TMTC2: variants seen among roughly 807,000 people sequenced by gnomAD.
TMTC2 encodes protein O-mannosyl-transferase TMTC2.
In TMTC2, 43 loss-of-function variants were observed where a neutral mutation model predicts 82.4. The ratio of observed to expected loss-of-function variants is 0.52; its 90% CI spans 0.41 to 0.67. TMTC2 has a LOEUF of 0.67. Ranked by LOEUF, TMTC2 falls within the 30% of genes least tolerant of loss-of-function variation. The probability of loss-of-function intolerance (pLI) is 0.00; values close to 1 mark genes in which losing one functional copy is unlikely to be tolerated. For synonymous variants in TMTC2, 408 were observed against 381.9 expected, an observed-to-expected ratio of 1.07 and a Z score of -0.80; for missense variants, 919 against 1,012.4, an observed-to-expected ratio of 0.91 and a Z score of 1.25.
At chr12:83,005,979 T>G (rs1391669289) in intron 8 of TMTC2, among the ~76,000 whole-genome samples, 1 of 152,168 alleles carries the variant, frequency 6.6e-6, no homozygotes, top group Non-Finnish European at 1.5e-5. Context: ...GCTGTCCCCA[T>G]GCAAAAACCC....
intron 7 of TMTC2, among the ~76,000 whole-genome samples, chr12:82,983,179 G>A (rs1409538811): frequency 1.3e-5 from 2 of 151,902 alleles, no homozygotes; most frequent in African/African-American, 2.4e-5. Flanking sequence ...GTAATCCATA[G>A]TAAACACTCA....
chr12:82,783,673 C>T (rs986747646), intron 1 of TMTC2, among the ~76,000 whole-genome samples: 1 of 152,054 alleles, frequency 6.6e-6, no homozygotes, highest in Non-Finnish European at 1.5e-5. Context: ...GTGCTTCCTA[C>T]TAAGTTGTCA....
intron 1 of TMTC2, among the ~76,000 whole-genome samples, chr12:82,808,465 T>C (rs1323045337): frequency 6.6e-6 from 1 of 152,120 alleles, no homozygotes; most frequent in African/African-American, 2.4e-5. Context: ...ATTTAATCTT[T>C]AACCAGGTAG....
At chr12:82,861,572 T>A (rs1565782342) in intron 2 of TMTC2, among the ~76,000 whole-genome samples, 2 of 152,242 alleles carry the variant, frequency 1.3e-5, no homozygotes, top group East Asian at 3.9e-4. Flanking sequence ...GTTCTTGGCA[T>A]GTAGTAGATA....
chr12:83,095,197 G>A (rs1483155678), intron 11 of TMTC2, among the ~76,000 whole-genome samples: 1 of 150,656 alleles, frequency 6.6e-6, no homozygotes, highest in African/African-American at 2.4e-5. Flanking sequence ...ATGAGGGAAA[G>A]AGAAAAGCCA....
intron 11 of TMTC2, among the ~76,000 whole-genome samples, chr12:83,126,459 T>C (rs1240600129): frequency 6.6e-6 from 1 of 152,162 alleles, no homozygotes. Context: ...GTCATACGTT[T>C]CTTTATTCAT....
chr12:82,947,883 T>C (rs1877111951), intron 4 of TMTC2, among the ~76,000 whole-genome samples: 1 of 152,116 alleles, frequency 6.6e-6, no homozygotes, highest in South Asian at 2.1e-4. Flanking sequence ...CATCATTCTG[T>C]CAACGTCTCT....
At chr12:82,911,581 A>G (rs965619422) in intron 3 of TMTC2, among the ~76,000 whole-genome samples, 15 of 152,042 alleles carry the variant, frequency 9.9e-5, no homozygotes, top group Admixed American at 8.5e-4. Flanking sequence ...TTTTCTAAGT[A>G]TAAGCCGTAT....
In TMTC2 at chr12:83,133,431, A is replaced by C. The variant is rs542261700; in HGVS notation, c.*1042A>C. 1.3e-5 allele frequency: 2 copies of C among 152,166 alleles called. No homozygotes were observed. The highest frequency in any genetic ancestry group is 2.9e-5 in the Non-Finnish European group (2 of 68,024). The allele number at this position is 152,166 out of a possible 1,614,324, so 9.4% of individuals were successfully genotyped here. On this transcript the variant is annotated 3_prime_UTR_variant, in exon 12 of 12. Coordinates refer to ENST00000321196, the MANE Select transcript of TMTC2 (RefSeq NM_152588.3). ...GGTATCGAATGTTAATCACTTTCTA[A>C]TGGGTACCTAAACAGCAATGCTGAT...
chr12:82,763,006 ATTAG>A (rs911171979), intron 1 of TMTC2, among the ~76,000 whole-genome samples: 6 of 151,308 alleles, frequency 4.0e-5, no homozygotes, highest in Non-Finnish European at 5.9e-5. Flanking sequence ...TTTATAAATA[ATTAG>A]TTAATTAATT....
chr12:82,787,254 T>G (rs141175478), intron 1 of TMTC2, among the ~76,000 whole-genome samples: 23 of 152,252 alleles, frequency 1.5e-4, no homozygotes, highest in African/African-American at 5.5e-4. Flanking sequence ...CTAAGGGACA[T>G]TATTTATGAA....
intron 4 of TMTC2, among the ~76,000 whole-genome samples, chr12:82,938,185 A>G (rs1291249408): frequency 6.6e-6 from 1 of 152,032 alleles, no homozygotes; most frequent in East Asian, 1.9e-4. Context: ...AAGTACTGGG[A>G]TTACAGGCAT....
intron 9 of TMTC2, among the ~76,000 whole-genome samples, chr12:83,038,995 G>A (rs894258172): frequency 1.2e-4 from 18 of 144,460 alleles, no homozygotes; most frequent in African/African-American, 4.7e-4. Flanking sequence ...GCAGTGGCGC[G>A]ATCTCAGCTC....
intron 7 of TMTC2, among the ~76,000 whole-genome samples, chr12:82,973,750 A>G (rs192745544): frequency 6.6e-6 from 1 of 152,280 alleles, no homozygotes; most frequent in Admixed American, 6.5e-5. Context: ...GGGCCAGAAG[A>G]TATATAGCCC....
At chr12:83,083,053 T>C (rs557196103) in intron 11 of TMTC2, among the ~76,000 whole-genome samples, 28 of 152,196 alleles carry the variant, frequency 1.8e-4, no homozygotes, top group Non-Finnish European at 3.7e-4. Context: ...ATCCACTCTG[T>C]AAAAGGAGGT....
At chr12:82,805,463 T>TAC (rs1280709423) in intron 1 of TMTC2, among the ~76,000 whole-genome samples, 2 of 151,184 alleles carry the variant, frequency 1.3e-5, no homozygotes, top group African/African-American at 4.9e-5. Context: ...CATTACTTTT[T>TAC]ACACCCCTTA....
intron 11 of TMTC2, among the ~76,000 whole-genome samples, chr12:83,114,537 A>G (rs1432668856): frequency 1.3e-5 from 2 of 152,170 alleles, no homozygotes; most frequent in Non-Finnish European, 1.5e-5. Flanking sequence ...TAAATCTACT[A>G]TTTGATGTCT....
intron 4 of TMTC2, among the ~76,000 whole-genome samples, chr12:82,931,183 A>G (rs944345009): frequency 6.6e-6 from 1 of 152,170 alleles, no homozygotes; most frequent in Non-Finnish European, 1.5e-5. Flanking sequence ...TGCTGGGATT[A>G]TAGGTGTGAA....
chr12:82,740,731 C>G (rs901594212), intron 1 of TMTC2, among the ~76,000 whole-genome samples: 1 of 152,192 alleles, frequency 6.6e-6, no homozygotes, highest in Non-Finnish European at 1.5e-5. Context: ...GTGACCCTCC[C>G]TCTCAGGAAG....
Sources: gnomAD v4.1 joint callset for allele counts (sites outside exome capture counted in the v4.1 genomes callset) on GRCh38, gnomAD v4.1.1 for gene constraint, MANE v1.5 for transcripts, NCBI Gene and HGNC (gene_info 2026-07-23, HGNC 2026-07-21) for gene names.